The following DNAI2 variants were observed in gnomAD, a reference collection of about 807,000 sequenced individuals.
DNAI2 encodes the protein dynein axonemal intermediate chain 2, also known as dynein, axonemal, intermediate polypeptide 2.
In DNAI2, 63 loss-of-function variants were observed where a neutral mutation model predicts 74.7. That is an observed-to-expected ratio of 0.84 (90% CI 0.69 to 1.04). The LOEUF is 1.04. Ranked by LOEUF, DNAI2 falls within the 50% of genes least tolerant of loss-of-function variation. DNAI2 has a pLI of 0.00. For synonymous variants in DNAI2, 289 were observed against 314.9 expected (o/e 0.92, Z 0.87); for missense variants, 688 against 803.2 (o/e 0.86, Z 1.73).
intron 9 of DNAI2, 99 bp downstream of exon 9, chr17:74,305,541 A>T: frequency 9.1e-7 from 1 of 1,102,008 alleles, no homozygotes; most frequent in Non-Finnish European, 1.3e-6. Context: ...CCATATGTAA[A>T]ATGGAGAAAA....
At chr17:74,305,131 A>G in intron 8 of DNAI2, 88 bp from the exon 9 acceptor site, 1 of 1,391,600 alleles carries the variant, frequency 7.2e-7, no homozygotes, top group Non-Finnish European at 1.0e-6. Context: ...GCGCCTGCAG[A>G]CCCCCCAAGC....
At chr17:74,279,825 G>A (rs949704501) in intron 1 of DNAI2, among the ~76,000 whole-genome samples, 1 of 152,138 alleles carries the variant, frequency 6.6e-6, no homozygotes, top group Non-Finnish European at 1.5e-5. Context: ...CACAATGCCC[G>A]GCCTAATCTC....
In DNAI2 at chr17:74,285,817, G is replaced by A. The variant is rs545361882; in HGVS notation, c.345+616G>A. ...GGTCAATCTCCTGCTGAAGGGAACA[G>A]GGAAGGCTTCCTGGAAGAAGTGGCA... On this transcript the variant is annotated intron_variant, in intron 3 of 13. Coordinates refer to ENST00000311014, the MANE Select transcript of DNAI2 (RefSeq NM_023036.6). Among the ~76,000 whole-genome samples, 490 of 152,222 alleles carry A rather than the reference G, an allele frequency of 3.2e-3. 5 individuals carry two copies. Among genetic ancestry groups the A allele is most frequent in the African/African-American group, 0.011 (464 of 41,546 alleles).
At position 74,305,349 on chromosome 17, in the gene DNAI2, AC is replaced by A. The variant is rs2053123483; in HGVS notation, c.1122del (p.Phe375SerfsTer7). 1 of 1,613,722 alleles carries A rather than the reference AC, an allele frequency of 6.2e-7. No individual in the cohort carries two copies. The highest frequency in any genetic ancestry group is 8.5e-7 in the Non-Finnish European group (1 of 1,179,960). On this transcript the variant is annotated frameshift_variant, in exon 9 of 14. Transcript: ENST00000311014. LOFTEE classifies it high-confidence loss of function. ...GGCCCCATCTACGCCCTCCAGAGAAACCCCTTCTACCCGAAGAACTTCCTGA... is the reference window on the plus strand; with the variant it reads ...GGCCCCATCTACGCCCTCCAGAGAAACCCTTCTACCCGAAGAACTTCCTGA... ...HHGPIYALQR[N>X]PFYPKNFLTV...
chr17:74,305,387 T>C lies in DNAI2; in HGVS notation c.1156T>C (p.Trp386Arg), dbSNP rs367950076. ...GAAGAACTTCCTGACGGTTGGCGAC[T>C]GGACAGCCCGCATTTGGTCTGAAGA... ...YPKNFLTVGD[W>R]TARIWSEDSR... Residue 386 changes from tryptophan to arginine, a missense_variant, in exon 9 of 14, where the codon TGG (tryptophan) becomes CGG (arginine). Trp to Arg is a moderately radical substitution (Grantham distance 101). Coordinates refer to ENST00000311014, the MANE Select transcript of DNAI2 (RefSeq NM_023036.6). 5.0e-6 allele frequency: 8 copies of C among 1,614,166 alleles called. No homozygotes were observed. In the South Asian group the frequency reaches 8.8e-5, roughly 18 times the overall value.
intron 1 of DNAI2, among the ~76,000 whole-genome samples, chr17:74,279,167 AAAAT>A (rs1390501943): frequency 2.0e-5 from 3 of 152,190 alleles, no homozygotes; most frequent in Non-Finnish European, 4.4e-5. Context: ...ACTCCGTCTC[AAAAT>A]AAATAAATAA....
rs987636832 is a variant in DNAI2 at position 74,277,376 on chromosome 17, A to C, written c.-12+3031A>C. ...CTCCAGCCTGGACGACAGAGCGAGA[A>C]TCCATCTCAAAAAAAAAAAAAAAAA... is the stretch of plus-strand genomic sequence containing the variant. On this transcript the variant is annotated intron_variant, in intron 1 of 13. Transcript: ENST00000311014. 3.9e-5 allele frequency among the ~76,000 whole-genome samples: 5 copies of C among 126,876 alleles called. No individual in the cohort carries two copies. In the Admixed American group the frequency reaches 4.2e-4, roughly 11 times the overall value. The allele number at this position is 126,876 out of a possible 152,430, so 83.2% of individuals were successfully genotyped here.
chr17:74,285,234 C>T, intron 3 of DNAI2, 33 bp downstream of exon 3: 9 of 1,609,222 alleles, frequency 5.6e-6, no homozygotes, highest in Non-Finnish European at 7.6e-6. Flanking sequence ...CTGCAAGAGC[C>T]CCATCCATCA....
intron 1 of DNAI2, 68 bp from the exon 2 acceptor site, chr17:74,281,739 C>T: frequency 8.6e-6 from 13 of 1,518,892 alleles, no homozygotes; most frequent in African/African-American, 1.4e-5. Context: ...GCTGTCCTGG[C>T]AGGACCTGTG....
At chr17:74,308,064 C>T (rs898615552) in intron 9 of DNAI2, among the ~76,000 whole-genome samples, 2 of 152,184 alleles carry the variant, frequency 1.3e-5, no homozygotes, top group African/African-American at 4.8e-5. Context: ...TCCCAAAGTC[C>T]TGGGATGACA....
chr17:74,281,621 T>C (rs2051390804), intron 1 of DNAI2, 186 bp from the exon 2 acceptor site: 6 of 623,574 alleles, frequency 9.6e-6, no homozygotes, highest in South Asian at 1.9e-5. Context: ...GCTTAGCATA[T>C]AGTCGGCACT....
chr17:74,289,736 G>A lies in DNAI2; in HGVS notation c.610G>A (p.Glu204Lys), dbSNP rs371964291. The change falls in exon 5 of 14, where the codon GAA becomes AAA. Residue 204 changes from glutamate (E) to lysine (K), a missense_variant and splice_region_variant. Glu to Lys is a moderately conservative substitution (Grantham distance 56, BLOSUM62 1). Coordinates refer to ENST00000311014, the MANE Select transcript of DNAI2 (RefSeq NM_023036.6). ...CAGCGATTCATACATCTGGGACCTG[G>A]GTGAGAAGCAGCGGGGTCCTGGTGG... ...MSSDSYIWDL[E>K]NPNKPELALK... 3 of 1,613,854 alleles carry A rather than the reference G, an allele frequency of 1.9e-6. No homozygotes were observed. The highest frequency in any genetic ancestry group is 2.2e-5 in the South Asian group (2 of 91,066).
chr17:74,295,849 ATTAG>A (rs2052392678), intron 6 of DNAI2, among the ~76,000 whole-genome samples: 3 of 152,250 alleles, frequency 2.0e-5, no homozygotes, highest in South Asian at 2.1e-4. Context: ...TAGCTTAGTG[ATTAG>A]TTAATGATTG....
rs1375459041 is a variant in DNAI2, at chr17:74,314,204, A to G, written c.1806A>G (p.Glu602=). The G allele has an allele frequency of 1.2e-6, 2 of 1,614,180 alleles. No homozygotes were observed. The highest frequency in any genetic ancestry group is 1.7e-6 in the Non-Finnish European group (2 of 1,179,986). ...AGEEGDEEVE[E]DLA The stretch of plus-strand genomic sequence containing the variant: ...AAGAAGGGGATGAAGAAGTGGAAGA[A>G]GACTTAGCCTAGAAGTCAGCCTTCG... The change falls in exon 13 of 14, where the codon GAA becomes GAG. Residue 602 remains glutamate, a synonymous_variant. Transcript: ENST00000311014.
chr17:74,312,482 C>G lies in DNAI2; in HGVS notation c.1722+252C>G, dbSNP rs565855039. On this transcript the variant is annotated intron_variant, in intron 12 of 13. Coordinates refer to ENST00000311014, the MANE Select transcript of DNAI2 (RefSeq NM_023036.6). ...TGCCTCCTGGTATCCTCCCCTCCCC[C>G]CAGAGAGGGCACATGGTGAAAATGC... is the stretch of plus-strand genomic sequence containing the variant. Among the ~76,000 whole-genome samples the G allele has an allele frequency of 1.2e-3, 180 of 152,292 alleles. 1 individual carries two copies. The highest frequency in any genetic ancestry group is 4.0e-3 in the African/African-American group (168 of 41,564).
chr17:74,309,234 T>G lies in DNAI2; in HGVS notation c.1212-19T>G. 1.2e-6 allele frequency: 2 copies of G among 1,613,806 alleles called. No individual in the cohort carries two copies. The highest frequency in any genetic ancestry group is 1.7e-6 in the Non-Finnish European group (2 of 1,179,856). On this transcript the variant is annotated intron_variant, in intron 9 of 13. Coordinates refer to ENST00000311014, the MANE Select transcript of DNAI2 (RefSeq NM_023036.6). ...GAAGCCTCTGTCCCTCCAACCATGA[T>G]GTGGTCTACCTCCCACAGGTACCAC...
In DNAI2 at chr17:74,289,593, G is replaced by C; in HGVS notation, c.468-1G>C. 6.2e-7 allele frequency: 1 copy of C among 1,613,834 alleles called. No individual in the cohort carries two copies. Among genetic ancestry groups the C allele is most frequent in the Non-Finnish European group, 8.5e-7 (1 of 1,179,982 alleles). On this transcript the variant is annotated splice_acceptor_variant, in intron 4 of 13. Coordinates refer to ENST00000311014, the MANE Select transcript of DNAI2 (RefSeq NM_023036.6). LOFTEE classifies it high-confidence loss of function. ...TCTGCTCTCTTCCCTCTCCCCTGCA[G>C]GGACCCCCAGGAAATCAAGAGGGCT...
chr17:74,309,081 C>G (rs1276636943), intron 9 of DNAI2, among the ~76,000 whole-genome samples, 172 bp from the exon 10 acceptor site: 1 of 137,888 alleles, frequency 7.3e-6, no homozygotes, highest in Non-Finnish European at 1.5e-5. Flanking sequence ...AAAAAAAAAG[C>G]AACCTGTGAG....
intron 5 of DNAI2, among the ~76,000 whole-genome samples, chr17:74,290,089 G>A (rs2051995901): frequency 6.6e-6 from 1 of 152,232 alleles, no homozygotes; most frequent in African/African-American, 2.4e-5. Flanking sequence ...GCCAAGGCAG[G>A]TGGATCACCT....
Sources: allele counts gnomAD v4.1 joint callset (sites outside exome capture counted in the v4.1 genomes callset), GRCh38; gene constraint gnomAD v4.1.1; transcripts MANE v1.5; gene names NCBI Gene and HGNC (gene_info 2026-07-23, HGNC 2026-07-21).